The following FHIT variants were observed in gnomAD, a reference collection of about 807,000 sequenced individuals.
The protein encoded by FHIT is bis(5'-adenosyl)-triphosphatase.
Under a neutral mutation model 17.9 loss-of-function variants are expected in FHIT, and 19 were observed. The ratio of observed to expected loss-of-function variants is 1.06; its 90% CI spans 0.74 to 1.56. The LOEUF (loss-of-function observed/expected upper bound fraction) is 1.56. Ranked by LOEUF, FHIT falls within the 40% of genes most tolerant of loss-of-function variation. The probability of loss-of-function intolerance (pLI) is 0.00; values close to 1 mark genes in which losing one functional copy is unlikely to be tolerated. For missense variants in FHIT, 248 were observed against 189.2 expected, an observed-to-expected ratio of 1.31 and a Z score of -1.82; for synonymous variants, 81 against 69.7, an observed-to-expected ratio of 1.16 and a Z score of -0.81.
intron 3 of FHIT, among the ~76,000 whole-genome samples, chr3:61,024,042 A>G (rs539153125): frequency 6.6e-6 from 1 of 152,116 alleles, no homozygotes; most frequent in South Asian, 2.1e-4. Flanking sequence ...GTTGGACAGT[A>G]TTATAAAAGC....
chr3:60,737,030 T>A (rs1421411408), intron 4 of FHIT, among the ~76,000 whole-genome samples: 1 of 152,220 alleles, frequency 6.6e-6, no homozygotes, highest in Non-Finnish European at 1.5e-5. Flanking sequence ...TCACTTAGCT[T>A]CCTTTGTATC....
rs542369515 is a variant in FHIT at position 60,961,871 on chromosome 3, T to C, written c.-111+80176A>G. 3.9e-5 allele frequency among the ~76,000 whole-genome samples: 6 copies of C among 152,222 alleles called. No homozygotes were observed. The East Asian group carries it at 5.8e-4, about 15-fold the overall frequency. Reference sequence around the variant, plus strand: ...TTGAAGTCAAGTAGCGTGATGCCTCTAGCTTTGTTCTTTTGGCTTAGGATT... The same window carrying C: ...TTGAAGTCAAGTAGCGTGATGCCTCCAGCTTTGTTCTTTTGGCTTAGGATT... On this transcript the variant is annotated intron_variant, in intron 3 of 9. Coordinates refer to ENST00000492590, the MANE Select transcript of FHIT (RefSeq NM_002012.4).
At chr3:61,189,377 A>G (rs1033840991) in intron 2 of FHIT, among the ~76,000 whole-genome samples, 59 of 152,212 alleles carry the variant, frequency 3.9e-4, no homozygotes, top group African/African-American at 1.3e-3. Context: ...AACTTACAAG[A>G]GATGGGAAGG....
At chr3:61,213,570 A>C (rs899902268) in intron 1 of FHIT, among the ~76,000 whole-genome samples, 10 of 152,212 alleles carry the variant, frequency 6.6e-5, no homozygotes, top group East Asian at 1.9e-4. Context: ...GACTTTAACA[A>C]CCCACTGTCA....
intron 2 of FHIT, among the ~76,000 whole-genome samples, chr3:61,054,321 A>G (rs940102826): frequency 6.6e-6 from 1 of 151,996 alleles, no homozygotes; most frequent in African/African-American, 2.4e-5. Flanking sequence ...GAGTGATGTC[A>G]ACTCAATATA....
intron 5 of FHIT, among the ~76,000 whole-genome samples, chr3:60,326,177 A>C (rs529114157): frequency 6.6e-6 from 1 of 152,220 alleles, no homozygotes; most frequent in African/African-American, 2.4e-5. Flanking sequence ...TGATGGTTTC[A>C]GGATGATTCA....
At chr3:61,018,586 A>G (rs1325062149) in intron 3 of FHIT, among the ~76,000 whole-genome samples, 1 of 152,228 alleles carries the variant, frequency 6.6e-6, no homozygotes, top group East Asian at 1.9e-4. Flanking sequence ...TGTGCAGAAC[A>G]TCAACACAGT....
intron 5 of FHIT, among the ~76,000 whole-genome samples, chr3:60,449,784 C>T (rs1250577735): frequency 6.6e-6 from 1 of 151,908 alleles, no homozygotes; most frequent in Non-Finnish European, 1.5e-5. Flanking sequence ...GTGGGTGCAT[C>T]ACAAGGTCAA....
intron 5 of FHIT, among the ~76,000 whole-genome samples, chr3:60,219,347 T>C (rs1314836466): frequency 6.6e-6 from 1 of 152,140 alleles, no homozygotes; most frequent in Non-Finnish European, 1.5e-5. Context: ...GTTCAATATC[T>C]ATTTCATCTG....
chr3:60,906,231 T>C (rs571915830), intron 3 of FHIT, among the ~76,000 whole-genome samples: 1 of 152,184 alleles, frequency 6.6e-6, no homozygotes, highest in Non-Finnish European at 1.5e-5. Context: ...GATATAGTAA[T>C]TCTGAAACTA....
At chr3:59,816,144 G>C (rs1700592225) in intron 8 of FHIT, among the ~76,000 whole-genome samples, 1 of 152,202 alleles carries the variant, frequency 6.6e-6, no homozygotes, top group Non-Finnish European at 1.5e-5. Context: ...AGCCAAGACT[G>C]AATAACTGTG....
At chr3:60,486,790 G>T (rs1006420358) in intron 5 of FHIT, among the ~76,000 whole-genome samples, 2 of 152,124 alleles carry the variant, frequency 1.3e-5, no homozygotes, top group East Asian at 3.8e-4. Context: ...CAATAAACGT[G>T]ATCTTTGATC....
At chr3:60,806,976 C>A (rs1376387080) in intron 4 of FHIT, among the ~76,000 whole-genome samples, 1 of 152,168 alleles carries the variant, frequency 6.6e-6, no homozygotes, top group Non-Finnish European at 1.5e-5. Flanking sequence ...CACACCTCCA[C>A]CATGACTTAC....
At chr3:60,475,015 C>A (rs534400228) in intron 5 of FHIT, among the ~76,000 whole-genome samples, 2 of 152,242 alleles carry the variant, frequency 1.3e-5, no homozygotes, top group East Asian at 3.9e-4. Context: ...GAGTTATCTG[C>A]CATTACTTAC....
chr3:60,089,668 G>A (rs1321625533), intron 5 of FHIT, among the ~76,000 whole-genome samples: 1 of 152,082 alleles, frequency 6.6e-6, no homozygotes, highest in African/African-American at 2.4e-5. Context: ...CCTGACAATG[G>A]GTGATTTATA....
chr3:61,223,395 C>T (rs2039889697), intron 1 of FHIT, among the ~76,000 whole-genome samples: 1 of 152,094 alleles, frequency 6.6e-6, no homozygotes, highest in South Asian at 2.1e-4. Flanking sequence ...AAATACATAC[C>T]ACCCTCATGT....
intron 5 of FHIT, among the ~76,000 whole-genome samples, chr3:60,134,576 T>C (rs2107278157): frequency 6.6e-6 from 1 of 152,330 alleles, no homozygotes; most frequent in East Asian, 1.9e-4. Flanking sequence ...CACATGCTCA[T>C]ATACATATAT....
intron 2 of FHIT, among the ~76,000 whole-genome samples, chr3:61,043,821 A>G (rs2033648801): frequency 6.6e-6 from 1 of 152,192 alleles, no homozygotes; most frequent in South Asian, 2.1e-4. Flanking sequence ...CCATTCTGCA[A>G]TATTTGCTGT....
chr3:60,567,533 G>C (rs1358674471), intron 4 of FHIT, among the ~76,000 whole-genome samples: 1 of 152,076 alleles, frequency 6.6e-6, no homozygotes, highest in African/African-American at 2.4e-5. Flanking sequence ...TACCATTCAG[G>C]ACATAAGTAT....
Sources: gnomAD v4.1 joint callset for allele counts (sites outside exome capture counted in the v4.1 genomes callset) on GRCh38, gnomAD v4.1.1 for gene constraint, MANE v1.5 for transcripts, NCBI Gene and HGNC (gene_info 2026-07-23, HGNC 2026-07-21) for gene names.